The following RAB40C variants were observed in gnomAD, a reference collection of about 807,000 sequenced individuals.
The protein encoded by RAB40C is ras-related protein Rab-40C.
Under a neutral mutation model 28.1 loss-of-function variants are expected in RAB40C, and 8 were observed. The observed-to-expected ratio is 0.28, with a 90% CI of 0.17 to 0.51. RAB40C has a LOEUF of 0.51. RAB40C is among the 20% of genes least tolerant of loss of function. The probability of loss-of-function intolerance (pLI) is 0.97; values close to 1 mark genes in which losing one functional copy is unlikely to be tolerated. For missense variants in RAB40C, 288 were observed against 405.9 expected, an observed-to-expected ratio of 0.71 and a Z score of 2.50; for synonymous variants, 201 against 171.7, an observed-to-expected ratio of 1.17 and a Z score of -1.34.
intron 3 of RAB40C, among the ~76,000 whole-genome samples, chr16:622,660 C>T (rs562916696): frequency 2.0e-5 from 3 of 152,150 alleles, no homozygotes; most frequent in Non-Finnish European, 4.4e-5. Flanking sequence ...TGTGCACCAC[C>T]GCGTCCAGCT....
chr16:605,255 C>T (rs2036334848), intron 1 of RAB40C, among the ~76,000 whole-genome samples: 1 of 152,204 alleles, frequency 6.6e-6, no homozygotes, highest in Non-Finnish European at 1.5e-5. Flanking sequence ...CAAGCAGCCC[C>T]ATTGTTTCAT....
At chr16:625,226 T>C in intron 3 of RAB40C, 2 of 1,437,396 alleles carry the variant, frequency 1.4e-6, no homozygotes, top group Non-Finnish European at 1.8e-6. Flanking sequence ...CCCACCCCCC[T>C]GCTGCAGTCC....
In RAB40C at chr16:627,859, C is replaced by T; in HGVS notation, c.*237C>T. ...TGCTTCCGGGAATCTTGGTCGGAAACAAGCCGGGCCTCCCCAGCTGCCTGG... is the reference window on the plus strand; with the variant it reads ...TGCTTCCGGGAATCTTGGTCGGAAATAAGCCGGGCCTCCCCAGCTGCCTGG... On this transcript the variant is annotated 3_prime_UTR_variant, in exon 6 of 6. Transcript: ENST00000248139. The T allele has an allele frequency of 2.1e-6, 1 of 470,454 alleles. No homozygotes were observed. Among genetic ancestry groups the T allele is most frequent in the Non-Finnish European group, 3.6e-6 (1 of 274,098 alleles). 29.1% of individuals were successfully genotyped at this position (470,454 alleles called of 1,614,324 possible). A position where few individuals can be genotyped will look rare whatever the true frequency, so the allele number is the denominator to read the frequency against.
intron 1 of RAB40C, 192 bp from the exon 2 acceptor site, chr16:617,016 C>A: frequency 1.6e-6 from 1 of 618,062 alleles, no homozygotes; most frequent in Admixed American, 2.7e-5. Context: ...GGCCCGTGTG[C>A]AGAAGTGGGC....
At position 606,630 on chromosome 16, in the gene RAB40C, T is replaced by C. The variant is rs1159469513; in HGVS notation, c.143-10578T>C. On this transcript the variant is annotated intron_variant, in intron 1 of 5. Coordinates refer to ENST00000248139, the MANE Select transcript of RAB40C (RefSeq NM_021168.5). ...TCGTTGGGAGGTTGGCAGAATTCCG[T>C]TCTTGCTGGTGGTAGGACTGGCAGT... Among the ~76,000 whole-genome samples, 7 of 152,196 alleles carry C rather than the reference T, an allele frequency of 4.6e-5. No individual in the cohort carries two copies. The East Asian group carries it at 9.6e-4, about 21-fold the overall frequency.
chr16:607,994 G>A (rs1210789933), intron 1 of RAB40C, among the ~76,000 whole-genome samples: 2 of 152,086 alleles, frequency 1.3e-5, no homozygotes, highest in African/African-American at 4.8e-5. Flanking sequence ...GCAACGTGCT[G>A]TGCCCGTCCC....
At chr16:620,553 T>G (rs899945538) in intron 3 of RAB40C, among the ~76,000 whole-genome samples, 2 of 152,098 alleles carry the variant, frequency 1.3e-5, no homozygotes, top group African/African-American at 2.4e-5. Flanking sequence ...TAAAGGGTTG[T>G]TGGGGAGATA....
intron 3 of RAB40C, chr16:624,948 T>G (rs376219247): frequency 7.8e-7 from 1 of 1,288,974 alleles, no homozygotes. Context: ...TCTGCCTGGC[T>G]GGGGGAGCTT....
chr16:603,763 C>G (rs1363685171), intron 1 of RAB40C, among the ~76,000 whole-genome samples: 2 of 147,360 alleles, frequency 1.4e-5, no homozygotes, highest in Non-Finnish European at 3.0e-5. Flanking sequence ...GCCCCTCAGG[C>G]CCTGCCGAGT....
At chr16:608,228 G>T (rs2151069335) in intron 1 of RAB40C, among the ~76,000 whole-genome samples, 1 of 152,318 alleles carries the variant, frequency 6.6e-6, no homozygotes, top group Non-Finnish European at 1.5e-5. Flanking sequence ...GAAGGGGGAA[G>T]CCCCTCCTAA....
intron 1 of RAB40C, among the ~76,000 whole-genome samples, chr16:607,655 G>T (rs1297464044): frequency 6.6e-6 from 1 of 152,092 alleles, no homozygotes; most frequent in Non-Finnish European, 1.5e-5. Context: ...GGCAGGCGCG[G>T]TGGTGGGCGC....
intron 3 of RAB40C, among the ~76,000 whole-genome samples, chr16:618,947 G>A (rs2036652626): frequency 1.0e-5 from 1 of 95,972 alleles, no homozygotes; most frequent in Non-Finnish European, 2.0e-5. Context: ...TGTAGTGGGT[G>A]CACTCAGGGC....
intron 1 of RAB40C, among the ~76,000 whole-genome samples, chr16:597,338 G>A (rs1001234401): frequency 5.3e-5 from 8 of 152,168 alleles, no homozygotes; most frequent in Middle Eastern, 3.4e-3. Flanking sequence ...AGCCTTCGCC[G>A]TCTTTACAGT....
rs573094244 is a variant in RAB40C at position 615,401 on chromosome 16, A to T, written c.143-1807A>T. ...ACACACAAGCCCACTGGGCAGGTGC[A>T]CTCCGTGGGAGGGCGTCGCTTATGT... is the stretch of plus-strand genomic sequence containing the variant. On this transcript the variant is annotated intron_variant, in intron 1 of 5. Coordinates refer to ENST00000248139, the MANE Select transcript of RAB40C (RefSeq NM_021168.5). Among the ~76,000 whole-genome samples, 7 of 152,140 alleles carry T rather than the reference A, an allele frequency of 4.6e-5. No homozygotes were observed. In the South Asian group the frequency reaches 1.5e-3, roughly 32 times the overall value.
At chr16:593,448 G>A (rs368285177) in intron 1 of RAB40C, among the ~76,000 whole-genome samples, 18 of 152,318 alleles carry the variant, frequency 1.2e-4, no homozygotes, top group African/African-American at 3.8e-4. Context: ...TCCAGCTTCC[G>A]TGTTTCTTCA....
At chr16:625,067 C>A (rs62623587) in intron 3 of RAB40C, 147,101 of 1,295,356 alleles carry the variant, frequency 0.11, 8,976 homozygotes, top group Admixed American at 0.15. Context: ...GGGGGATTCA[C>A]TGATGGACTG....
chr16:593,839 C>T (rs1005804341), intron 1 of RAB40C, among the ~76,000 whole-genome samples: 5 of 152,216 alleles, frequency 3.3e-5, no homozygotes, highest in Non-Finnish European at 7.3e-5. Flanking sequence ...GGGAGTGCTT[C>T]ATGCTCTCTT....
chr16:600,894 A>G (rs1344688229), intron 1 of RAB40C, among the ~76,000 whole-genome samples: 1 of 152,226 alleles, frequency 6.6e-6, no homozygotes, highest in African/African-American at 2.4e-5. Context: ...TGTCTTCTGA[A>G]GAGCTGGCAG....
At position 605,537 on chromosome 16, in the gene RAB40C, C is replaced by T. The variant is rs375219289; in HGVS notation, c.143-11671C>T. Among the ~76,000 whole-genome samples the T allele has an allele frequency of 1.2e-4, 18 of 152,328 alleles. No individual in the cohort carries two copies. The East Asian group carries it at 2.5e-3, about 21-fold the overall frequency. On this transcript the variant is annotated intron_variant, in intron 1 of 5. Transcript: ENST00000248139. ...ACTCATCTGCCTTGTCTAGTTTTCACGTCAATGGAGCCACACAGGGCAAAC... is the reference window on the plus strand; with the variant it reads ...ACTCATCTGCCTTGTCTAGTTTTCATGTCAATGGAGCCACACAGGGCAAAC...
Sources: allele counts gnomAD v4.1 joint callset (sites outside exome capture counted in the v4.1 genomes callset), GRCh38; gene constraint gnomAD v4.1.1; transcripts MANE v1.5; gene names NCBI Gene and HGNC (gene_info 2026-07-23, HGNC 2026-07-21).